The following SEMA5B variants were observed in gnomAD, a reference collection of about 807,000 sequenced individuals.
SEMA5B encodes the protein semaphorin-5B.
In SEMA5B, 66 loss-of-function variants were observed where a neutral mutation model predicts 135.0. That is an observed-to-expected ratio of 0.49 (90% CI 0.40 to 0.60). The LOEUF is 0.60. Ranked by LOEUF, SEMA5B falls within the 20% of genes least tolerant of loss-of-function variation. The pLI, the probability that SEMA5B is intolerant of heterozygous loss-of-function variation, is 0.00. For synonymous variants in SEMA5B, 690 were observed against 639.5 expected, an observed-to-expected ratio of 1.08 and a Z score of -1.19; for missense variants, 1,501 against 1,566.3, an observed-to-expected ratio of 0.96 and a Z score of 0.70.
chr3:122,961,227 G>C lies in SEMA5B; in HGVS notation c.37C>G (p.His13Asp), dbSNP rs200700728. 115 of 1,614,066 alleles carry C rather than the reference G, an allele frequency of 7.1e-5. No homozygotes were observed. Among genetic ancestry groups the C allele is most frequent in the Non-Finnish European group, 2.3e-5 (27 of 1,179,972 alleles). Residue 13 changes from histidine to aspartate, a missense_variant, in exon 2 of 23, where the codon CAC (histidine) becomes GAC (aspartate). Transcript: ENST00000357599. Reference protein sequence around the residue: ...CGFSPSPVAHHLVPGPPDTPA... With the variant: ...CGFSPSPVAHDLVPGPPDTPA... ...GTATCAGGCGGCCCAGGGACGAGGTGGTGGGCAACAGGAGACGGACTGAAG... is the reference window on the plus strand; with the variant it reads ...GTATCAGGCGGCCCAGGGACGAGGTCGTGGGCAACAGGAGACGGACTGAAG...
intron 9 of SEMA5B, 60 bp downstream of exon 9, chr3:122,926,332 C>T: frequency 6.6e-7 from 1 of 1,516,070 alleles, no homozygotes; most frequent in Non-Finnish European, 9.0e-7. Context: ...CCCACCAGGC[C>T]ATGAGGCCAG....
intron 5 of SEMA5B, among the ~76,000 whole-genome samples, chr3:122,936,247 G>A (rs540802216): frequency 1.3e-5 from 2 of 152,250 alleles, no homozygotes; most frequent in East Asian, 1.9e-4. Flanking sequence ...GGAAGCAGGC[G>A]ACACCCAGGG....
At chr3:122,947,916 G>A (rs1312532797) in intron 3 of SEMA5B, among the ~76,000 whole-genome samples, 2 of 151,880 alleles carry the variant, frequency 1.3e-5, no homozygotes, top group Non-Finnish European at 2.9e-5. Context: ...TTTTTAGCAA[G>A]TATTAGAATG....
At chr3:122,942,578 C>T (rs1375161904) in intron 4 of SEMA5B, among the ~76,000 whole-genome samples, 3 of 152,210 alleles carry the variant, frequency 2.0e-5, no homozygotes, top group Non-Finnish European at 4.4e-5. Context: ...TGTCATCATG[C>T]TATGTGATGC....
chr3:122,951,753 G>A (rs1940055340), intron 2 of SEMA5B, among the ~76,000 whole-genome samples: 1 of 152,220 alleles, frequency 6.6e-6, no homozygotes, highest in Non-Finnish European at 1.5e-5. Flanking sequence ...ATTCCCAGGT[G>A]ATTCTGATGA....
intron 1 of SEMA5B, among the ~76,000 whole-genome samples, chr3:122,993,437 A>G (rs2107727688): frequency 6.6e-6 from 1 of 152,202 alleles, no homozygotes; most frequent in South Asian, 2.1e-4. Context: ...GGGGTGGATT[A>G]TTTGTCCCAG....
intron 1 of SEMA5B, among the ~76,000 whole-genome samples, chr3:122,989,474 C>T (rs1560416817): frequency 2.0e-5 from 3 of 152,326 alleles, no homozygotes; most frequent in Admixed American, 6.5e-5. Context: ...TTCCTGATTC[C>T]GTGCCTGGTC....
intron 21 of SEMA5B, 169 bp from the exon 22 acceptor site, chr3:122,911,214 A>T: frequency 5.9e-6 from 6 of 1,008,480 alleles, no homozygotes; most frequent in Non-Finnish European, 8.5e-6. Flanking sequence ...GTCACTGGGG[A>T]CCTCTTTCAC....
chr3:123,020,003 A>G (rs1942641654), intron 1 of SEMA5B, among the ~76,000 whole-genome samples: 1 of 152,222 alleles, frequency 6.6e-6, no homozygotes, highest in Non-Finnish European at 1.5e-5. Flanking sequence ...TGAATCCAAA[A>G]ACTTTTTATT....
At chr3:123,006,958 G>A (rs1041326968) in intron 1 of SEMA5B, among the ~76,000 whole-genome samples, 5 of 151,932 alleles carry the variant, frequency 3.3e-5, no homozygotes, top group Non-Finnish European at 7.4e-5. Flanking sequence ...TTGCATCCCC[G>A]GTCTAAACTA....
chr3:122,922,154 C>G, intron 11 of SEMA5B, 32 bp from the exon 12 acceptor site: 2 of 1,545,730 alleles, frequency 1.3e-6, no homozygotes, highest in Middle Eastern at 3.4e-4. Flanking sequence ...ACCAAGGTGG[C>G]CTTGAAGGCC....
intron 12 of SEMA5B, among the ~76,000 whole-genome samples, chr3:122,917,789 G>A (rs9870199): frequency 0.53 from 80,142 of 150,426 alleles, 23,355 homozygotes; most frequent in Non-Finnish European, 0.67. Flanking sequence ...GACAATTTGG[G>A]TAAATTGTAC....
intron 8 of SEMA5B, among the ~76,000 whole-genome samples, chr3:122,927,014 T>A (rs1938674384): frequency 6.6e-6 from 1 of 152,242 alleles, no homozygotes; most frequent in South Asian, 2.1e-4. Flanking sequence ...AGAGGTTAAG[T>A]ACTTGCTCAA....
chr3:123,002,079 C>G (rs760524244), intron 1 of SEMA5B, among the ~76,000 whole-genome samples: 21 of 152,180 alleles, frequency 1.4e-4, no homozygotes, highest in Non-Finnish European at 2.4e-4. Context: ...CCTAGCATGT[C>G]AAGAGGCCCC....
At chr3:123,005,064 A>G (rs1033345745) in intron 1 of SEMA5B, among the ~76,000 whole-genome samples, 12 of 152,178 alleles carry the variant, frequency 7.9e-5, no homozygotes, top group Middle Eastern at 3.2e-3. Context: ...ATGAAAGGTC[A>G]GAGGAATGGC....
At position 122,926,488 on chromosome 3, in the gene SEMA5B, G is replaced by A. The variant is rs937142275; in HGVS notation, c.1040C>T (p.Ser347Phe). Reference sequence around the variant, plus strand: ...GTAGAAGGGGACCTCGCCCGGGCGGGAGCAGTTGAGCCGGGCCTTCATGAA... The same window carrying A: ...GTAGAAGGGGACCTCGCCCGGGCGGAAGCAGTTGAGCCGGGCCTTCATGAA... ...TTFMKARLNCSRPGEVPFYYN... is the reference protein window; with the variant it reads ...TTFMKARLNCFRPGEVPFYYN... The change falls in exon 9 of 23, where the codon TCC becomes TTC. Residue 347 changes from serine (S) to phenylalanine (F), a missense_variant. Physicochemically the swap from Ser to Phe is radical, Grantham distance 155. Around this residue, in one of 2 missense-constraint regions of SEMA5B, gnomAD observed 574 missense variants for 684.7 expected, o/e 0.84. Coordinates refer to ENST00000357599, the MANE Select transcript of SEMA5B (RefSeq NM_001031702.4). 7 of 1,614,118 alleles carry A rather than the reference G, an allele frequency of 4.3e-6. No individual in the cohort carries two copies. The African/African-American group carries it at 9.3e-5, about 22-fold the overall frequency.
intron 14 of SEMA5B, 26 bp downstream of exon 14, chr3:122,915,414 A>C: frequency 6.3e-7 from 1 of 1,578,056 alleles, no homozygotes; most frequent in Non-Finnish European, 8.6e-7. Context: ...CAAGGCAGAC[A>C]CCATGTAAAC....
intron 6 of SEMA5B, 121 bp downstream of exon 6, chr3:122,928,875 G>C: frequency 1.0e-6 from 1 of 1,000,492 alleles, no homozygotes; most frequent in South Asian, 1.5e-5. Flanking sequence ...AGGAGCCCCA[G>C]CTCATCCTGG....
Position 122,913,291 on chromosome 3 carries a change from G to A in SEMA5B, c.2414C>T (p.Pro805Leu), listed in dbSNP as rs757694332. The A allele has an allele frequency of 8.2e-6, 13 of 1,582,486 alleles. No homozygotes were observed. The highest frequency in any genetic ancestry group is 1.1e-5 in the Non-Finnish European group (13 of 1,172,926). The part of the protein sequence containing the change: ...EQRFRFTCRA[P>L]LADPHGLQFG... ...CTGCAGGCCGTGCGGGTCTGCAAGG[G>A]GCGCGCGGCAGGTGAAGCGGAACCG... Residue 805 changes from proline to leucine, a missense_variant, in exon 17 of 23, where the codon CCC becomes CTC. Pro to Leu is a moderately conservative substitution (Grantham distance 98). This residue lies in a region of SEMA5B where 927 missense variants were observed against 881.6 expected (regional missense o/e 1.05). Transcript: ENST00000357599.
Sources: gnomAD v4.1 joint callset for allele counts (sites outside exome capture counted in the v4.1 genomes callset) on GRCh38, gnomAD v4.1.1 for gene constraint, gnomAD v4.1.1 regional missense constraint, MANE v1.5 for transcripts, NCBI Gene and HGNC (gene_info 2026-07-23, HGNC 2026-07-21) for gene names.